CSMD1: variants seen among roughly 807,000 people sequenced by gnomAD.
CSMD1 encodes the protein CUB and Sushi multiple domains 1.
In CSMD1, 213 loss-of-function variants were observed where a neutral mutation model predicts 417.5. The ratio of observed to expected loss-of-function variants is 0.51; its 90% CI spans 0.46 to 0.57. The LOEUF (loss-of-function observed/expected upper bound fraction) is 0.57. Among genes scored for constraint, CSMD1 ranks in the 20% least tolerant of loss-of-function variants. The pLI is 0.00. For missense variants in CSMD1, 6,923 were observed against 4,529.7 expected (o/e 1.53, Z -15.17); for synonymous variants, 2,862 against 1,736.8 (o/e 1.65, Z -16.11).
At chr8:3,363,720 G>A (rs548381766) in intron 20 of CSMD1, among the ~76,000 whole-genome samples, 1 of 152,192 alleles carries the variant, frequency 6.6e-6, no homozygotes, top group South Asian at 2.1e-4. Context: ...ATATGTAATG[G>A]CACAAAGTGG....
chr8:4,865,589 C>G (rs749606965), intron 1 of CSMD1, among the ~76,000 whole-genome samples: 1 of 152,066 alleles, frequency 6.6e-6, no homozygotes, highest in South Asian at 2.1e-4. Flanking sequence ...CCAATTTCCA[C>G]TGTTGCATAC....
intron 3 of CSMD1, among the ~76,000 whole-genome samples, chr8:4,285,059 A>G (rs1051062830): frequency 7.2e-5 from 11 of 152,194 alleles, no homozygotes; most frequent in Admixed American, 5.9e-4. Context: ...ATAACACAAT[A>G]GTCAGAATGA....
chr8:4,232,180 C>A (rs895491821), intron 3 of CSMD1, among the ~76,000 whole-genome samples: 1 of 152,084 alleles, frequency 6.6e-6, no homozygotes, highest in Non-Finnish European at 1.5e-5. Flanking sequence ...TTGAGAAACA[C>A]TTGTCCTTTA....
rs543135229 is a variant in CSMD1, at chr8:4,543,456, C to A, written c.302+93886G>T. 2.6e-5 allele frequency among the ~76,000 whole-genome samples: 4 copies of A among 151,970 alleles called. No homozygotes were observed. The South Asian group carries it at 8.3e-4, about 32-fold the overall frequency. ...TTGTGCAGTTAAGTTTCCTCCATGC[C>A]CTTGCATGAATTAATTGTTTCCCTT... On this transcript the variant is annotated intron_variant, in intron 2 of 69. Transcript: ENST00000635120.
At chr8:3,772,413 T>C (rs62650452) in intron 5 of CSMD1, among the ~76,000 whole-genome samples, 25,325 of 91,652 alleles carry the variant, frequency 0.28, 7,985 homozygotes, top group Admixed American at 0.32. Context: ...ATACATATAT[T>C]TATATATACA....
chr8:3,958,400 C>T (rs1045664332), intron 5 of CSMD1, among the ~76,000 whole-genome samples: 3 of 149,872 alleles, frequency 2.0e-5, no homozygotes, highest in African/African-American at 7.4e-5. Context: ...AAAAAGGAGG[C>T]AGAAAAAATG....
chr8:3,773,989 C>G (rs1049332712), intron 5 of CSMD1, among the ~76,000 whole-genome samples: 2 of 152,174 alleles, frequency 1.3e-5, no homozygotes, highest in African/African-American at 4.8e-5. Context: ...TCTATTTGCT[C>G]TTAATTCTTT....
At chr8:3,784,868 G>A (rs755593159) in intron 5 of CSMD1, among the ~76,000 whole-genome samples, 6 of 152,192 alleles carry the variant, frequency 3.9e-5, no homozygotes, top group Non-Finnish European at 7.3e-5. Context: ...CAATACTGAT[G>A]TTAACATTTG....
chr8:4,369,331 T>C (rs192326209), intron 3 of CSMD1, among the ~76,000 whole-genome samples: 1 of 152,166 alleles, frequency 6.6e-6, no homozygotes, highest in African/African-American at 2.4e-5. Context: ...AATTTTTTTT[T>C]AAATTTATTG....
intron 5 of CSMD1, among the ~76,000 whole-genome samples, chr8:3,774,099 A>C (rs1015440721): frequency 2.6e-5 from 4 of 152,154 alleles, no homozygotes; most frequent in African/African-American, 9.7e-5. Flanking sequence ...TTGTCTAAAT[A>C]TGTCCGCAAC....
rs1554454771 is a variant in CSMD1 at position 3,182,841 on chromosome 8, G to GTGT, written c.5621-1628_5621-1627insACA. ...GACTCTGGCTGTCTCTTTATAAGAA[G>GTGT]GTGTGTGTGTGTGTGTGTGTGTGTG... On this transcript the variant is annotated intron_variant, in intron 36 of 69. Transcript: ENST00000635120. 7.0e-4 allele frequency: 8 copies of GTGT among 11,470 alleles called. No homozygotes were observed. In the East Asian group the frequency reaches 0.024, roughly 34 times the overall value. 0.7% of individuals were successfully genotyped at this position (11,470 alleles called of 1,614,324 possible).
At chr8:4,549,164 T>G (rs57851352) in intron 2 of CSMD1, among the ~76,000 whole-genome samples, 1 of 152,242 alleles carries the variant, frequency 6.6e-6, no homozygotes, top group African/African-American at 2.4e-5. Flanking sequence ...ACAGACTGAC[T>G]CAAGGGATTC....
Position 4,898,974 on chromosome 8 carries a change from C to T in CSMD1, c.85+95358G>A, listed in dbSNP as rs116778270. 4.9e-3 allele frequency among the ~76,000 whole-genome samples: 747 copies of T among 152,048 alleles called. 3 individuals are homozygous for T. Among genetic ancestry groups the T allele is most frequent in the African/African-American group, 0.017 (718 of 41,474 alleles). ...AGTTATAAAATTATTTTTAATATTA[C>T]GGTAATGATATCTACTTAAAAATAG... is the stretch of plus-strand genomic sequence containing the variant. On this transcript the variant is annotated intron_variant, in intron 1 of 69. Coordinates refer to ENST00000635120, the MANE Select transcript of CSMD1 (RefSeq NM_033225.6).
chr8:3,661,974 G>C lies in CSMD1; in HGVS notation c.1010-45177C>G, dbSNP rs187874103. ...GAAAATGAGAACGGGACACCCAGAG[G>C]CTGCGGGAGAGAGGAGCTACGCAGA... On this transcript the variant is annotated intron_variant, in intron 7 of 69. Transcript: ENST00000635120. 8.5e-5 allele frequency among the ~76,000 whole-genome samples: 13 copies of C among 152,306 alleles called. No homozygotes were observed. In the East Asian group the frequency reaches 2.5e-3, roughly 29 times the overall value.
rs541055803 is a variant in CSMD1 at position 4,828,416 on chromosome 8, C to G, written c.85+165916G>C. 2.6e-5 allele frequency among the ~76,000 whole-genome samples: 4 copies of G among 152,214 alleles called. No individual in the cohort carries two copies. In the East Asian group the frequency reaches 7.7e-4, roughly 29 times the overall value. Reference sequence around the variant, plus strand: ...CTGTAGTTATTTGATGACATAACCACGCAAAGCAGGGGAGTTGACAGATAA... The same window carrying G: ...CTGTAGTTATTTGATGACATAACCAGGCAAAGCAGGGGAGTTGACAGATAA... On this transcript the variant is annotated intron_variant, in intron 1 of 69. Coordinates refer to ENST00000635120, the MANE Select transcript of CSMD1 (RefSeq NM_033225.6).
At chr8:2,968,047 C>G (rs1585067453) in intron 57 of CSMD1, among the ~76,000 whole-genome samples, 2 of 152,314 alleles carry the variant, frequency 1.3e-5, no homozygotes, top group East Asian at 3.9e-4. Context: ...TAGTAGTTTC[C>G]TGGTTGGCAT....
chr8:4,180,680 A>C (rs1414185559), intron 3 of CSMD1, among the ~76,000 whole-genome samples: 1 of 152,178 alleles, frequency 6.6e-6, no homozygotes, highest in Non-Finnish European at 1.5e-5. Flanking sequence ...GCCATATGAA[A>C]GGCAAGGTAG....
chr8:3,229,307 T>C (rs980119375), intron 27 of CSMD1, among the ~76,000 whole-genome samples: 8 of 152,188 alleles, frequency 5.3e-5, no homozygotes, highest in South Asian at 2.1e-4. Context: ...AATAATAAAG[T>C]TCAGTAGTTT....
intron 31 of CSMD1, among the ~76,000 whole-genome samples, chr8:3,202,018 A>T (rs1340335387): frequency 6.6e-6 from 1 of 152,174 alleles, no homozygotes; most frequent in Non-Finnish European, 1.5e-5. Flanking sequence ...TTAAGAATAT[A>T]TGGGCTGGAT....
Sources: gnomAD v4.1 joint callset for allele counts (sites outside exome capture counted in the v4.1 genomes callset) on GRCh38, gnomAD v4.1.1 for gene constraint, MANE v1.5 for transcripts, NCBI Gene and HGNC (gene_info 2026-07-23, HGNC 2026-07-21) for gene names.